STXBP4: variants seen among roughly 807,000 people sequenced by gnomAD.
The protein encoded by STXBP4 is syntaxin binding protein 4.
In STXBP4, 55 loss-of-function variants were observed where a neutral mutation model predicts 76.1. That is an observed-to-expected ratio of 0.72 (90% CI 0.58 to 0.91). The LOEUF is 0.91. STXBP4 is among the 40% of genes least tolerant of loss of function. The pLI, the probability that STXBP4 is intolerant of heterozygous loss-of-function variation, is 0.00. For missense variants in STXBP4, 618 were observed against 636.9 expected (o/e 0.97, Z 0.32); for synonymous variants, 201 against 220.2 (o/e 0.91, Z 0.77).
chr17:55,105,009 C>G (rs1009100163), intron 16 of STXBP4, among the ~76,000 whole-genome samples: 9 of 151,742 alleles, frequency 5.9e-5, no homozygotes, highest in African/African-American at 1.9e-4. Context: ...CTATTTGATT[C>G]TTCTCTCTTC....
intron 8 of STXBP4, among the ~76,000 whole-genome samples, chr17:55,008,710 GTGTCTTCA>G (rs1387634181): frequency 6.6e-6 from 1 of 152,116 alleles, no homozygotes; most frequent in Non-Finnish European, 1.5e-5. Flanking sequence ...TAACATCTCT[GTGTCTTCA>G]GAGTTGAAGA....
intron 9 of STXBP4, among the ~76,000 whole-genome samples, 172 bp from the exon 10 acceptor site, chr17:55,033,996 G>T (rs773349083): frequency 2.6e-5 from 4 of 152,188 alleles, no homozygotes; most frequent in Admixed American, 1.3e-4. Context: ...AGTAAGTTCA[G>T]ACCAATTTGT....
chr17:55,012,616 C>G (rs180946748), intron 8 of STXBP4, among the ~76,000 whole-genome samples: 35 of 152,170 alleles, frequency 2.3e-4, no homozygotes, highest in African/African-American at 8.2e-4. Flanking sequence ...ACTAGGTGAG[C>G]ATACTCAGAG....
At chr17:55,052,837 A>G (rs2078875296) in intron 12 of STXBP4, among the ~76,000 whole-genome samples, 1 of 150,642 alleles carries the variant, frequency 6.6e-6, no homozygotes, top group Admixed American at 6.7e-5. Context: ...ACCTGAATCT[A>G]ACCATGAAGA....
In STXBP4 at chr17:55,049,972, TGAAA is replaced by T. The variant is rs1206938945; in HGVS notation, c.1011+2823_1011+2826del. On this transcript the variant is annotated intron_variant, in intron 12 of 17. Coordinates refer to ENST00000376352, the MANE Select transcript of STXBP4 (RefSeq NM_178509.6). ...ATAAATTGTTTCAGGGTATAAAAAATGAAAGAAATTTTCCAAATTCTTTTCATGA... is the reference window on the plus strand; with the variant it reads ...ATAAATTGTTTCAGGGTATAAAAAATGAAATTTTCCAAATTCTTTTCATGA... Among the ~76,000 whole-genome samples, 4 of 151,974 alleles carry T rather than the reference TGAAA, an allele frequency of 2.6e-5. No individual in the cohort carries two copies. In the East Asian group the frequency reaches 7.7e-4, roughly 29 times the overall value.
At chr17:55,015,661 T>A (rs1036348561) in intron 8 of STXBP4, among the ~76,000 whole-genome samples, 1 of 152,064 alleles carries the variant, frequency 6.6e-6, no homozygotes, top group Non-Finnish European at 1.5e-5. Flanking sequence ...TCGGGGAATA[T>A]TGGCACTCTT....
chr17:55,145,819 G>T (rs2080146850), intron 17 of STXBP4, among the ~76,000 whole-genome samples: 1 of 151,990 alleles, frequency 6.6e-6, no homozygotes, highest in Non-Finnish European at 1.5e-5. Context: ...GTGTAAAAAA[G>T]AAAATACATT....
At chr17:55,067,585 C>T (rs2079069564) in intron 12 of STXBP4, among the ~76,000 whole-genome samples, 1 of 152,040 alleles carries the variant, frequency 6.6e-6, no homozygotes. Flanking sequence ...TAGTAGAGAA[C>T]TTTGAAGAAT....
rs1567752809 is a variant in STXBP4, at chr17:55,081,061, C to G, written c.1367C>G (p.Ala456Gly). 6.7e-7 allele frequency: 1 copy of G among 1,501,558 alleles called. No individual in the cohort carries two copies. The highest frequency in any genetic ancestry group is 8.8e-7 in the Non-Finnish European group (1 of 1,131,594). 93.0% of individuals were successfully genotyped at this position (1,501,558 alleles called of 1,614,324 possible). ...TPLSNLSERR[A>G]VLASQTSLTP... ...TATTGCCTTCATAGTGAAAGAAGAG[C>G]TGTGTTAGCTTCTCAGACTTCCCTC... The change falls in exon 16 of 18, where the codon GCT (alanine) becomes GGT (glycine). Residue 456 changes from alanine to glycine, a missense_variant. Transcript: ENST00000376352.
chr17:55,140,582 A>G (rs903797603), intron 16 of STXBP4, among the ~76,000 whole-genome samples: 5 of 152,140 alleles, frequency 3.3e-5, no homozygotes, highest in Non-Finnish European at 7.4e-5. Flanking sequence ...GGCTGCCTCA[A>G]CTTGGGGCTG....
intron 10 of STXBP4, among the ~76,000 whole-genome samples, chr17:55,042,152 T>G (rs2078710877): frequency 6.6e-6 from 1 of 152,154 alleles, no homozygotes; most frequent in South Asian, 2.1e-4. Flanking sequence ...ATTCTGGAGT[T>G]TGGAAAGCAA....
chr17:55,131,682 T>C (rs1048656553), intron 16 of STXBP4, among the ~76,000 whole-genome samples: 14 of 152,316 alleles, frequency 9.2e-5, no homozygotes, highest in African/African-American at 3.1e-4. Context: ...TGCATTTTTT[T>C]CCCAATAGTT....
intron 16 of STXBP4, among the ~76,000 whole-genome samples, chr17:55,109,125 T>G (rs2079676386): frequency 1.3e-5 from 2 of 152,322 alleles, no homozygotes; most frequent in South Asian, 4.1e-4. Flanking sequence ...GCTTGTTGAT[T>G]TGAAACCTTC....
the STXBP4 span, among the ~76,000 whole-genome samples, chr17:55,179,663 T>A: frequency 2.0e-5 from 3 of 152,288 alleles, no homozygotes; most frequent in South Asian, 6.2e-4. Context: ...AATATGAAGA[T>A]GATGAAGATG....
At chr17:55,052,916 CGTGTGTGTGTGTGTGT>C (rs59163531) in intron 12 of STXBP4, among the ~76,000 whole-genome samples, 3 of 95,700 alleles carry the variant, frequency 3.1e-5, no homozygotes, top group Non-Finnish European at 5.8e-5. Context: ...ACGTGTATGA[CGTGTGTGTGTGTGTGT>C]GTGTGTGTGT....
chr17:55,072,617 T>G (rs2079134650), intron 12 of STXBP4, among the ~76,000 whole-genome samples: 1 of 152,196 alleles, frequency 6.6e-6, no homozygotes, highest in Non-Finnish European at 1.5e-5. Context: ...TTCTTCTGTT[T>G]TCCATTTTCA....
the STXBP4 span, among the ~76,000 whole-genome samples, chr17:55,188,585 C>G: frequency 1.3e-5 from 2 of 152,198 alleles, no homozygotes; most frequent in Non-Finnish European, 2.9e-5. Flanking sequence ...TTTATTAGAG[C>G]TGCCATTCCA....
intron 16 of STXBP4, among the ~76,000 whole-genome samples, chr17:55,134,914 C>T (rs1248769700): frequency 1.3e-5 from 2 of 148,998 alleles, no homozygotes; most frequent in Non-Finnish European, 3.0e-5. Context: ...TTCTCATCTT[C>T]AGTCTAGGTC....
At chr17:55,020,154 G>A (rs946892932) in intron 8 of STXBP4, among the ~76,000 whole-genome samples, 35 of 151,980 alleles carry the variant, frequency 2.3e-4, no homozygotes, top group African/African-American at 8.2e-4. Context: ...ATATTTATTA[G>A]ACAGACTCGC....
Sources: gnomAD v4.1 joint callset for allele counts (sites outside exome capture counted in the v4.1 genomes callset) on GRCh38, gnomAD v4.1.1 for gene constraint, MANE v1.5 for transcripts, NCBI Gene and HGNC (gene_info 2026-07-23, HGNC 2026-07-21) for gene names.